ACSM3: variants seen among roughly 807,000 people sequenced by gnomAD.
ACSM3 encodes acyl-CoA synthetase medium chain family member 3, also known as acyl-coenzyme A synthetase ACSM3, mitochondrial.
ACSM3 carries 61 observed loss-of-function variants against 74.1 expected under a neutral mutation model. The ratio of observed to expected loss-of-function variants is 0.82; its 90% CI spans 0.67 to 1.02. The LOEUF (loss-of-function observed/expected upper bound fraction) is 1.02. Among genes scored for constraint, ACSM3 ranks in the 50% least tolerant of loss-of-function variants. ACSM3 has a pLI of 0.00. For synonymous variants in ACSM3, 213 were observed against 241.5 expected (o/e 0.88, Z 1.09); for missense variants, 660 against 697.0 (o/e 0.95, Z 0.60).
chr16:20,729,783 T>TA (rs5816134), intron 1 of ACSM3, among the ~76,000 whole-genome samples: 27,139 of 143,114 alleles, frequency 0.19, 2,588 homozygotes, highest in East Asian at 0.31. Context: ...TGCCTTAAGT[T>TA]AAAAAAAAAA....
At chr16:20,686,773 C>T (rs1056055420) in intron 1 of ACSM3, among the ~76,000 whole-genome samples, 11 of 151,508 alleles carry the variant, frequency 7.3e-5, no homozygotes, top group African/African-American at 2.7e-4. Flanking sequence ...CACTGCATTC[C>T]AGCCTGGGAG....
At chr16:20,717,980 A>AGAAGAAGAAGAG (rs2079770451) in intron 1 of ACSM3, among the ~76,000 whole-genome samples, 1 of 129,212 alleles carries the variant, frequency 7.7e-6, no homozygotes, top group African/African-American at 2.8e-5. Context: ...AAGAAGAAGA[A>AGAAGAAGAAGAG]GAAGAAGAAG....
intron 1 of ACSM3, chr16:20,738,719 T>C: frequency 1.5e-6 from 1 of 668,152 alleles, no homozygotes; most frequent in Non-Finnish European, 2.5e-6. Context: ...AAGCCAATGC[T>C]ACGTCCACCA....
At chr16:20,693,577 A>G (rs1481553526) in intron 1 of ACSM3, among the ~76,000 whole-genome samples, 1 of 152,232 alleles carries the variant, frequency 6.6e-6, no homozygotes, top group Non-Finnish European at 1.5e-5. Flanking sequence ...TATAATAGAC[A>G]ATAGAACTAG....
At chr16:20,787,032 C>T (rs2080489083) in intron 9 of ACSM3, among the ~76,000 whole-genome samples, 1 of 152,218 alleles carries the variant, frequency 6.6e-6, no homozygotes. Flanking sequence ...GCCACTACTA[C>T]CACCTGATGC....
chr16:20,777,864 T>C (rs1423119925), intron 4 of ACSM3, among the ~76,000 whole-genome samples: 1 of 152,206 alleles, frequency 6.6e-6, no homozygotes, highest in East Asian at 1.9e-4. Context: ...AATGTCGGAC[T>C]GGGCAGAGAA....
chr16:20,786,184 T>C (rs2080471304), intron 9 of ACSM3, 26 bp downstream of exon 9: 1 of 1,607,554 alleles, frequency 6.2e-7, no homozygotes, highest in Non-Finnish European at 8.5e-7. Flanking sequence ...TCCAGGAGAA[T>C]GTTTAACAAC....
In ACSM3 at chr16:20,777,573, T is replaced by C. The variant is rs1295189805; in HGVS notation, c.631T>C (p.Leu211=). The C allele has an allele frequency of 3.1e-6, 5 of 1,613,264 alleles. No individual in the cohort carries two copies. The highest frequency in any genetic ancestry group is 3.4e-6 in the Non-Finnish European group (4 of 1,179,486). ...AGAGGGGTGGGGGAACCTCAAGGAG[T>C]TGATGAAGTGAGTAGCCACACTTGT... The part of the protein sequence containing the change: ...SREGWGNLKE[L]MKHASDSHTC... The change falls in exon 4 of 14, where the codon TTG becomes CTG. Residue 211 remains leucine, a synonymous_variant. Transcript: ENST00000289416.
At position 20,790,889 on chromosome 16, in the gene ACSM3, G is replaced by A. The variant is rs1440619892; in HGVS notation, c.1326+201G>A. 1.2e-6 allele frequency: 2 copies of A among 1,614,046 alleles called. No individual in the cohort carries two copies. The highest frequency in any genetic ancestry group is 4.5e-5 in the East Asian group (2 of 44,884). On this transcript the variant is annotated intron_variant, in intron 10 of 13. Transcript: ENST00000289416. The surrounding 1 kb of genome is among the most constrained non-coding windows in gnomAD (Gnocchi z 4.0). ...AAGAAAAGCATGCTGGTCCCCTGAG[G>A]CCAGATCACTGTTCCAGGTCCACGA...
At chr16:20,737,009 C>A (rs11074471) in intron 1 of ACSM3, 226,053 of 1,613,944 alleles carry the variant, frequency 0.14, 16,630 homozygotes, top group Middle Eastern at 0.23. Flanking sequence ...CCTCAGTATT[C>A]TCTGGTACCT....
intron 1 of ACSM3, chr16:20,742,163 C>A: frequency 1.2e-6 from 1 of 813,124 alleles, no homozygotes; most frequent in South Asian, 1.8e-5. Context: ...AACGTGGACA[C>A]AATGGTCAAG....
intron 1 of ACSM3, among the ~76,000 whole-genome samples, chr16:20,704,075 A>G (rs1033405572): frequency 2.0e-5 from 3 of 152,230 alleles, no homozygotes; most frequent in African/African-American, 7.2e-5. Flanking sequence ...ATTGCTTAGT[A>G]AAATTTATAA....
intron 2 of ACSM3, among the ~76,000 whole-genome samples, chr16:20,754,526 C>T (rs12926829): frequency 0.62 from 94,251 of 151,986 alleles, 30,329 homozygotes; most frequent in Non-Finnish European, 0.72. Context: ...TTGTTCAAAC[C>T]TTTACCAATC....
Position 20,781,144 on chromosome 16 carries a change from C to T in ACSM3, c.939+14C>T. 1.2e-6 allele frequency: 2 copies of T among 1,613,110 alleles called. No homozygotes were observed. The highest frequency in any genetic ancestry group is 2.7e-5 in the African/African-American group (2 of 74,964). ...TCTATCTTGCAAGTAAGCCAAAGCA[C>T]AAAGAGGTCAATATTTAGAAATGCA... is the stretch of plus-strand genomic sequence containing the variant. On this transcript the variant is annotated intron_variant, in intron 6 of 13. Coordinates refer to ENST00000289416, the MANE Select transcript of ACSM3 (RefSeq NM_005622.4).
intron 4 of ACSM3, among the ~76,000 whole-genome samples, chr16:20,779,104 C>T (rs1235222750): frequency 1.3e-5 from 2 of 151,958 alleles, no homozygotes; most frequent in African/African-American, 2.4e-5. Flanking sequence ...AGACTGAACA[C>T]TTGGTGTAGC....
At chr16:20,691,867 C>A (rs1265304865) in intron 1 of ACSM3, among the ~76,000 whole-genome samples, 1 of 149,174 alleles carries the variant, frequency 6.7e-6, no homozygotes, top group African/African-American at 2.5e-5. Context: ...ATTTTGTGTG[C>A]TGTTTGTGGT....
chr16:20,718,014 GAA>G (rs2079771174), intron 1 of ACSM3, among the ~76,000 whole-genome samples: 2 of 146,286 alleles, frequency 1.4e-5, no homozygotes, highest in East Asian at 2.0e-4. Flanking sequence ...AGAAGAAGAA[GAA>G]GAAGAAGAAG....
At position 20,784,987 on chromosome 16, in the gene ACSM3, T is replaced by C. The variant is rs758260429; in HGVS notation, c.1023T>C (p.Tyr341=). The C allele has an allele frequency of 9.3e-6, 15 of 1,611,122 alleles. No homozygotes were observed. The highest frequency in any genetic ancestry group is 1.6e-4 in the Middle Eastern group (1 of 6,072). Reference sequence around the variant, plus strand: ...ACTTATCTGGTTTTCTGAGAAGCTATAAGTTTAAAAGCTTAAAGCACTGTG... The same window carrying C: ...ACTTATCTGGTTTTCTGAGAAGCTACAAGTTTAAAAGCTTAAAGCACTGTG... ...RMLVQNDITS[Y]KFKSLKHCVS... The change falls in exon 8 of 14, where the codon TAT becomes TAC. Residue 341 remains tyrosine (Y), a synonymous_variant. Coordinates refer to ENST00000289416, the MANE Select transcript of ACSM3 (RefSeq NM_005622.4).
chr16:20,705,026 A>T (rs1224610886), intron 1 of ACSM3, among the ~76,000 whole-genome samples: 1 of 152,220 alleles, frequency 6.6e-6, no homozygotes, highest in East Asian at 1.9e-4. Context: ...AGTATTTTCC[A>T]TAGGATCAAC....
Sources: allele counts gnomAD v4.1 joint callset (sites outside exome capture counted in the v4.1 genomes callset), GRCh38; gene constraint gnomAD v4.1.1; non-coding constraint Gnocchi (gnomAD v3.1); transcripts MANE v1.5; gene names NCBI Gene and HGNC (gene_info 2026-07-23, HGNC 2026-07-21).